Variants in SOX6 observed in about 807,000 individuals in gnomAD.
SOX6 encodes the protein SRY-box transcription factor 6, also known as transcription factor SOX-6.
A neutral mutation model predicts 97.8 loss-of-function variants in SOX6; 11 were observed. The ratio of observed to expected loss-of-function variants is 0.11; its 90% CI spans 0.07 to 0.19. The LOEUF (loss-of-function observed/expected upper bound fraction) is 0.19. Ranked by LOEUF, SOX6 falls within the 10% of genes least tolerant of loss-of-function variation. SOX6 has a pLI of 1.00. For synonymous variants in SOX6, 360 were observed against 371.4 expected (o/e 0.97, Z 0.35); for missense variants, 810 against 1,039.5 (o/e 0.78, Z 3.04).
intron 2 of SOX6, among the ~76,000 whole-genome samples, chr11:16,724,118 TTGGATTTTTAGACTGTTGTC>T (rs1392185685): frequency 6.6e-6 from 1 of 152,242 alleles, no homozygotes; most frequent in Non-Finnish European, 1.5e-5. Context: ...GAGGGAATAC[TTGGATTTTTAGACTGTTGTC>T]TTGAAAGAGG....
intron 13 of SOX6, among the ~76,000 whole-genome samples, chr11:16,010,593 C>T (rs1302786310): frequency 1.3e-5 from 2 of 151,550 alleles, no homozygotes; most frequent in Admixed American, 6.6e-5. Flanking sequence ...CTTTAGAAAC[C>T]CCAGGTATAA....
At chr11:16,375,549 T>C (rs1857620889) in intron 1 of SOX6, among the ~76,000 whole-genome samples, 1 of 151,906 alleles carries the variant, frequency 6.6e-6, no homozygotes, top group Non-Finnish European at 1.5e-5. Context: ...AAGAATTCAC[T>C]AAAACTCTAA....
At chr11:16,525,262 T>C (rs1861138565) in intron 4 of SOX6, among the ~76,000 whole-genome samples, 2 of 152,002 alleles carry the variant, frequency 1.3e-5, no homozygotes, top group Admixed American at 6.6e-5. Context: ...CAAAACAGCA[T>C]GGTACTGGTA....
At chr11:16,385,970 A>C (rs1312203694) in intron 1 of SOX6, among the ~76,000 whole-genome samples, 1 of 152,128 alleles carries the variant, frequency 6.6e-6, no homozygotes, top group Non-Finnish European at 1.5e-5. Context: ...CCACATTAAC[A>C]TGTTCAGAGG....
chr11:16,475,599 C>T (rs1482606144), intron 1 of SOX6, among the ~76,000 whole-genome samples: 1 of 151,928 alleles, frequency 6.6e-6, no homozygotes, highest in African/African-American at 2.4e-5. Context: ...TTGGTGCGGC[C>T]CCATAATAAT....
intron 2 of SOX6, among the ~76,000 whole-genome samples, chr11:16,724,838 G>T (rs1848294340): frequency 6.6e-6 from 1 of 152,156 alleles, no homozygotes; most frequent in Admixed American, 6.5e-5. Flanking sequence ...ACACCCACTA[G>T]GATGTTTATA....
intron 1 of SOX6, among the ~76,000 whole-genome samples, chr11:16,462,450 A>C: frequency 6.6e-6 from 1 of 152,198 alleles, no homozygotes; most frequent in East Asian, 1.9e-4. Context: ...GTTTGACCTA[A>C]TCACATCCAC....
chr11:16,667,164 C>G (rs1422341949), intron 3 of SOX6, among the ~76,000 whole-genome samples: 1 of 151,448 alleles, frequency 6.6e-6, no homozygotes. Context: ...GGTTTGATCC[C>G]AAAAGATGAA....
At chr11:16,571,063 T>C (rs906319731) in intron 4 of SOX6, among the ~76,000 whole-genome samples, 1 of 152,182 alleles carries the variant, frequency 6.6e-6, no homozygotes, top group Non-Finnish European at 1.5e-5. Flanking sequence ...TTCTAGAATG[T>C]AAGACTTCAG....
chr11:16,186,656 C>A (rs113177577), intron 5 of SOX6, 127 bp downstream of exon 5: 3 of 1,037,008 alleles, frequency 2.9e-6, no homozygotes, highest in African/African-American at 3.5e-5. Flanking sequence ...TTTTTTTTTC[C>A]ATCTTTTCTT....
At chr11:16,619,376 C>T (rs182577868) in intron 3 of SOX6, among the ~76,000 whole-genome samples, 117 of 151,174 alleles carry the variant, frequency 7.7e-4, no homozygotes, top group Non-Finnish European at 1.5e-3. Flanking sequence ...TTTTTCTTTA[C>T]TCAAAATGAT....
chr11:16,674,693 G>A (rs1428652894), intron 3 of SOX6, among the ~76,000 whole-genome samples: 1 of 152,138 alleles, frequency 6.6e-6, no homozygotes, highest in Non-Finnish European at 1.5e-5. Context: ...GCTCACACAT[G>A]TAATCCCAGC....
intron 1 of SOX6, among the ~76,000 whole-genome samples, chr11:16,387,388 C>T (rs1310868938): frequency 6.6e-6 from 1 of 151,820 alleles, no homozygotes; most frequent in East Asian, 1.9e-4. Flanking sequence ...GCAAAAGATG[C>T]AAGATTTCAT....
chr11:16,344,457 C>G (rs1856723573), intron 1 of SOX6, among the ~76,000 whole-genome samples: 1 of 151,898 alleles, frequency 6.6e-6, no homozygotes, highest in Non-Finnish European at 1.5e-5. Flanking sequence ...ACTCAACCAA[C>G]CAAACTGTAT....
chr11:16,575,417 C>T (rs1488042865), intron 4 of SOX6, among the ~76,000 whole-genome samples: 1 of 152,070 alleles, frequency 6.6e-6, no homozygotes, highest in Non-Finnish European at 1.5e-5. Flanking sequence ...AACTTGTACA[C>T]ATGGCCACTA....
At chr11:16,651,103 C>T (rs1847643916) in intron 3 of SOX6, among the ~76,000 whole-genome samples, 1 of 151,862 alleles carries the variant, frequency 6.6e-6, no homozygotes, top group South Asian at 2.1e-4. Flanking sequence ...AAACCAATAA[C>T]AGCGAGATTA....
intron 6 of SOX6, among the ~76,000 whole-genome samples, chr11:16,140,838 AC>A (rs1190326443): frequency 6.6e-6 from 1 of 152,200 alleles, no homozygotes; most frequent in Non-Finnish European, 1.5e-5. Flanking sequence ...AAATAATATA[AC>A]AAAAAGTGGG....
chr11:16,089,843 T>C (rs1209825015), intron 9 of SOX6, among the ~76,000 whole-genome samples: 3 of 152,096 alleles, frequency 2.0e-5, no homozygotes, highest in African/African-American at 7.2e-5. Flanking sequence ...TTTCTGAATA[T>C]AAATTTCCTA....
chr11:16,584,515 C>G (rs1032536172), intron 4 of SOX6, among the ~76,000 whole-genome samples: 1 of 152,106 alleles, frequency 6.6e-6, no homozygotes, highest in Non-Finnish European at 1.5e-5. Context: ...ACATAGATGC[C>G]CCCACTGCTA....
Sources: gnomAD v4.1 joint callset for allele counts (sites outside exome capture counted in the v4.1 genomes callset) on GRCh38, gnomAD v4.1.1 for gene constraint, MANE v1.5 for transcripts, NCBI Gene and HGNC (gene_info 2026-07-23, HGNC 2026-07-21) for gene names.